The following CWC27 variants were observed in gnomAD, a reference collection of about 807,000 sequenced individuals.
CWC27 encodes the protein spliceosome-associated protein CWC27 homolog.
CWC27 carries 47 observed loss-of-function variants against 63.6 expected under a neutral mutation model. That is an observed-to-expected ratio of 0.74 (90% CI 0.58 to 0.94). The LOEUF (loss-of-function observed/expected upper bound fraction) is 0.94. Among genes scored for constraint, CWC27 ranks in the 40% least tolerant of loss-of-function variants. CWC27 has a pLI of 0.00. For missense variants in CWC27, 495 were observed against 554.3 expected, an observed-to-expected ratio of 0.89 and a Z score of 1.07; for synonymous variants, 175 against 179.8, an observed-to-expected ratio of 0.97 and a Z score of 0.22.
intron 10 of CWC27, among the ~76,000 whole-genome samples, chr5:64,830,766 G>A (rs1401566304): frequency 6.6e-6 from 1 of 152,098 alleles, no homozygotes; most frequent in African/African-American, 2.4e-5. Context: ...AGTGGGCAAA[G>A]GATATGAACA....
intron 11 of CWC27, among the ~76,000 whole-genome samples, chr5:64,931,573 T>G (rs1467080227): frequency 6.6e-6 from 1 of 151,990 alleles, no homozygotes; most frequent in Non-Finnish European, 1.5e-5. Context: ...TTTTTTACAT[T>G]TTTTAAAGTA....
chr5:65,003,574 T>C (rs1302047539), intron 13 of CWC27, among the ~76,000 whole-genome samples: 1 of 152,266 alleles, frequency 6.6e-6, no homozygotes, highest in Admixed American at 6.5e-5. Context: ...TAAGCATTTC[T>C]TGCAGTTGTG....
Position 64,954,701 on chromosome 5 carries a change from T to C in CWC27, c.1043-17002T>C, listed in dbSNP as rs181098892. On this transcript the variant is annotated intron_variant, in intron 11 of 13. Coordinates refer to ENST00000381070, the MANE Select transcript of CWC27 (RefSeq NM_005869.4). ...CCTATAACATATATATATATGCATA[T>C]AGAAAGCACTAAATATATAGCCACA... Among the ~76,000 whole-genome samples the C allele has an allele frequency of 1.2e-3, 163 of 137,090 alleles. 1 individual carries two copies. The highest frequency in any genetic ancestry group is 1.7e-3 in the Non-Finnish European group (111 of 66,902). 89.9% of individuals were successfully genotyped at this position (137,090 alleles called of 152,430 possible).
chr5:65,013,265 T>TGA (rs1237639587), intron 13 of CWC27, among the ~76,000 whole-genome samples: 3 of 152,206 alleles, frequency 2.0e-5, no homozygotes, highest in Non-Finnish European at 4.4e-5. Context: ...TGAGACTTTC[T>TGA]GCAGAATCTG....
intron 10 of CWC27, among the ~76,000 whole-genome samples, chr5:64,860,952 G>A (rs1746397365): frequency 1.3e-5 from 2 of 152,100 alleles, no homozygotes; most frequent in Non-Finnish European, 2.9e-5. Context: ...AATTTTTTTA[G>A]GTCAGAGATT....
Position 64,974,043 on chromosome 5 carries a change from T to G in CWC27, c.1152+2231T>G, listed in dbSNP as rs1324779953. ...TGAGCCCAGGAGTTTGAAACCAGCC[T>G]AGGCAGCCTAGGGAGACCCCCATCT... is the stretch of plus-strand genomic sequence containing the variant. On this transcript the variant is annotated intron_variant, in intron 12 of 13. Coordinates refer to ENST00000381070, the MANE Select transcript of CWC27 (RefSeq NM_005869.4). Among the ~76,000 whole-genome samples the G allele has an allele frequency of 2.7e-5, 4 of 148,700 alleles. No individual in the cohort carries two copies. The East Asian group carries it at 5.9e-4, about 22-fold the overall frequency.
intron 11 of CWC27, among the ~76,000 whole-genome samples, chr5:64,925,107 T>G (rs1253289427): frequency 6.6e-6 from 1 of 152,226 alleles, no homozygotes; most frequent in Admixed American, 6.5e-5. Context: ...AATTATATTT[T>G]TCCTAACCTT....
At chr5:64,953,740 CA>C (rs1215660471) in intron 11 of CWC27, among the ~76,000 whole-genome samples, 1 of 152,030 alleles carries the variant, frequency 6.6e-6, no homozygotes, top group Non-Finnish European at 1.5e-5. Flanking sequence ...ATACAGAGTT[CA>C]GGGACTTTTA....
intron 2 of CWC27, among the ~76,000 whole-genome samples, chr5:64,776,550 A>G (rs1175591432): frequency 6.6e-6 from 1 of 152,150 alleles, no homozygotes; most frequent in Non-Finnish European, 1.5e-5. Context: ...AACCACAACA[A>G]TTATCTTAAT....
chr5:64,969,248 C>A (rs927406640), intron 11 of CWC27, among the ~76,000 whole-genome samples: 1 of 152,172 alleles, frequency 6.6e-6, no homozygotes, highest in Non-Finnish European at 1.5e-5. Flanking sequence ...TTGCAAAATT[C>A]TTACCACACA....
intron 11 of CWC27, among the ~76,000 whole-genome samples, chr5:64,900,588 A>G (rs1747478649): frequency 6.6e-6 from 1 of 151,990 alleles, no homozygotes; most frequent in South Asian, 2.1e-4. Flanking sequence ...AACTTTGTTC[A>G]TTTTTGAATC....
chr5:64,916,161 A>G (rs1043486997), intron 11 of CWC27, among the ~76,000 whole-genome samples: 1 of 152,246 alleles, frequency 6.6e-6, no homozygotes, highest in Non-Finnish European at 1.5e-5. Context: ...TACATTTTAT[A>G]GACTAATTTT....
At chr5:64,799,210 C>T (rs1315121156) in intron 7 of CWC27, among the ~76,000 whole-genome samples, 2 of 152,142 alleles carry the variant, frequency 1.3e-5, no homozygotes, top group African/African-American at 4.8e-5. Context: ...GCTAATAATT[C>T]CCACCTCATA....
chr5:64,952,256 T>C (rs1748723558), intron 11 of CWC27, among the ~76,000 whole-genome samples: 1 of 151,960 alleles, frequency 6.6e-6, no homozygotes, highest in Non-Finnish European at 1.5e-5. Context: ...TACAGAAACA[T>C]TTTTTTCCAA....
intron 11 of CWC27, among the ~76,000 whole-genome samples, chr5:64,939,402 G>A (rs144045465): frequency 6.6e-6 from 1 of 152,280 alleles, no homozygotes; most frequent in African/African-American, 2.4e-5. Flanking sequence ...GAATTTGTTG[G>A]AGGTCCACTC....
chr5:64,868,426 T>C (rs1170744934), intron 10 of CWC27, among the ~76,000 whole-genome samples: 1 of 152,112 alleles, frequency 6.6e-6, no homozygotes, highest in Non-Finnish European at 1.5e-5. Context: ...GTTTATCTCC[T>C]AAGTTTGTTT....
chr5:64,775,812 A>G (rs1743420755), intron 2 of CWC27, among the ~76,000 whole-genome samples: 1 of 152,070 alleles, frequency 6.6e-6, no homozygotes, highest in Non-Finnish European at 1.5e-5. Flanking sequence ...TCTAGAATAC[A>G]TTACATATGG....
At chr5:64,891,771 TTTGTTGTTGTTG>T (rs56101875) in intron 11 of CWC27, among the ~76,000 whole-genome samples, 28 of 147,746 alleles carry the variant, frequency 1.9e-4, no homozygotes, top group South Asian at 6.7e-4. Context: ...CTTGGGATAC[TTTGTTGTTGTTG>T]TTGTTGTTGT....
intron 13 of CWC27, among the ~76,000 whole-genome samples, chr5:65,003,627 A>G (rs988819382): frequency 6.6e-6 from 1 of 152,170 alleles, no homozygotes; most frequent in Non-Finnish European, 1.5e-5. Context: ...TCTGGAAAAG[A>G]CTTTATTTCT....
Sources: allele counts gnomAD v4.1 joint callset (sites outside exome capture counted in the v4.1 genomes callset), GRCh38; gene constraint gnomAD v4.1.1; transcripts MANE v1.5; gene names NCBI Gene and HGNC (gene_info 2026-07-23, HGNC 2026-07-21).